AASS: variants seen among roughly 807,000 people sequenced by gnomAD.
AASS encodes alpha-aminoadipic semialdehyde synthase, mitochondrial.
In AASS, 86 loss-of-function variants were observed where a neutral mutation model predicts 105.4. That is an observed-to-expected ratio of 0.82 (90% CI 0.69 to 0.98). AASS has a LOEUF of 0.98. Among genes scored for constraint, AASS ranks in the 50% least tolerant of loss-of-function variants. The probability of loss-of-function intolerance (pLI) is 0.00; values close to 1 mark genes in which losing one functional copy is unlikely to be tolerated. For synonymous variants in AASS, 381 were observed against 394.8 expected, an observed-to-expected ratio of 0.96 and a Z score of 0.41; for missense variants, 1,048 against 1,143.2, an observed-to-expected ratio of 0.92 and a Z score of 1.20.
At position 122,086,190 on chromosome 7, in the gene AASS, T is replaced by C. The variant is rs377587823; in HGVS notation, c.2017-11A>G. 7 of 1,612,880 alleles carry C rather than the reference T, an allele frequency of 4.3e-6. No homozygotes were observed. Among genetic ancestry groups the C allele is most frequent in the South Asian group, 2.2e-5 (2 of 90,938 alleles). On this transcript the variant is annotated splice_polypyrimidine_tract_variant and intron_variant, in intron 18 of 23. Coordinates refer to ENST00000417368, the MANE Select transcript of AASS (RefSeq NM_005763.4). ...TGCAACATTCACAACCTGAGGAACA[T>C]TGAGAAGGCACACATGGGGTTACAG...
At chr7:122,103,811 C>T (rs1239794875) in intron 11 of AASS, among the ~76,000 whole-genome samples, 1 of 151,836 alleles carries the variant, frequency 6.6e-6, no homozygotes, top group Admixed American at 6.6e-5. Context: ...ATACTATACA[C>T]ACACACACAC....
chr7:122,133,937 G>A lies in AASS; in HGVS notation c.-15-196C>T, dbSNP rs10242443. 103,365 of 597,040 alleles carry A rather than the reference G, an allele frequency of 0.17. 9,545 individuals are homozygous for A. Among genetic ancestry groups the A allele is most frequent in the South Asian group, 0.26 (12,916 of 49,680 alleles). The allele number at this position is 597,040 out of a possible 1,614,324, so 37.0% of individuals were successfully genotyped here. On this transcript the variant is annotated intron_variant, in intron 1 of 23. Transcript: ENST00000417368. ...TTTTCAAAAACAAGATTATTTAACT[G>A]CAAAATTTTAAAAAGTATAGAGCAA...
At chr7:122,086,888 C>A (rs1012841791) in intron 18 of AASS, among the ~76,000 whole-genome samples, 1 of 152,136 alleles carries the variant, frequency 6.6e-6, no homozygotes, top group Non-Finnish European at 1.5e-5. Context: ...CTTTCCCATA[C>A]CCCTACCCCC....
At chr7:122,079,828 A>G (rs1487408512) in intron 20 of AASS, 116 bp from the exon 21 acceptor site, 3 of 732,174 alleles carry the variant, frequency 4.1e-6, no homozygotes, top group Admixed American at 4.3e-5. Flanking sequence ...TTTTAAAATT[A>G]AAAATAATTG....
chr7:122,134,713 G>A (rs971897090), intron 1 of AASS, among the ~76,000 whole-genome samples: 1 of 152,138 alleles, frequency 6.6e-6, no homozygotes, highest in Admixed American at 6.6e-5. Flanking sequence ...GGAAGACAAT[G>A]TGGCGATTCC....
chr7:122,116,126 C>T (rs993325538), intron 8 of AASS, among the ~76,000 whole-genome samples: 8 of 152,062 alleles, frequency 5.3e-5, no homozygotes, highest in African/African-American at 1.9e-4. Context: ...TGTGTCGCAT[C>T]GAAGGATTTG....
chr7:122,121,068 T>C (rs1217265213), intron 4 of AASS, among the ~76,000 whole-genome samples: 1 of 152,104 alleles, frequency 6.6e-6, no homozygotes, highest in Non-Finnish European at 1.5e-5. Context: ...TTGTACTTTG[T>C]TTTTTTAATG....
intron 6 of AASS, among the ~76,000 whole-genome samples, chr7:122,118,098 CAT>C (rs574271982): frequency 6.6e-6 from 1 of 152,014 alleles, no homozygotes; most frequent in Non-Finnish European, 1.5e-5. Context: ...TACACACACA[CAT>C]ATATATACAC....
chr7:122,094,178 C>T (rs943854985), intron 15 of AASS, among the ~76,000 whole-genome samples: 1 of 152,142 alleles, frequency 6.6e-6, no homozygotes, highest in Non-Finnish European at 1.5e-5. Context: ...CATTGATACT[C>T]CAGACCTCAG....
At chr7:122,116,800 TA>T in intron 7 of AASS, 40 bp from the exon 8 acceptor site, 7 of 1,613,294 alleles carry the variant, frequency 4.3e-6, no homozygotes, top group Non-Finnish European at 1.7e-6. Flanking sequence ...GGGTGACAAA[TA>T]ATAAAAATTT....
intron 19 of AASS, 120 bp downstream of exon 19, chr7:122,085,891 GA>G: frequency 1.8e-6 from 2 of 1,106,132 alleles, no homozygotes; most frequent in Non-Finnish European, 1.4e-6. Flanking sequence ...TAAGATTCCT[GA>G]AAAAATAGAC....
At position 122,115,118 on chromosome 7, in the gene AASS, C is replaced by G. The variant is rs1302275173; in HGVS notation, c.999G>C (p.Lys333Asn). 4 of 1,614,152 alleles carry G rather than the reference C, an allele frequency of 2.5e-6. No homozygotes were observed. The highest frequency in any genetic ancestry group is 8.5e-7 in the Non-Finnish European group (1 of 1,180,030). ...AGCCTTCCACACCAGCAGGTGAGAA[C>G]TTGCCCGGAGCCAGGAGACTCTGAG... ...QDAQSLLAPG[K>N]FSPAGVEGCP... The change falls in exon 9 of 24, where the codon AAG (lysine) becomes AAC (asparagine). Residue 333 changes from lysine (K) to asparagine (N), a missense_variant. Coordinates refer to ENST00000417368, the MANE Select transcript of AASS (RefSeq NM_005763.4).
At chr7:122,102,594 G>C (rs1252347925) in intron 11 of AASS, among the ~76,000 whole-genome samples, 2 of 151,930 alleles carry the variant, frequency 1.3e-5, no homozygotes, top group South Asian at 4.1e-4. Context: ...TTTATTTACT[G>C]TATTAAAATA....
chr7:122,129,353 C>T lies in AASS; in HGVS notation c.387+8G>A. 1 of 1,572,066 alleles carries T rather than the reference C, an allele frequency of 6.4e-7. No individual in the cohort carries two copies. The highest frequency in any genetic ancestry group is 8.7e-7 in the Non-Finnish European group (1 of 1,153,432). ...CATTAATATTTATAAATATTAATCA[C>T]TAATTACCTGTTTTAGAATCTCATC... On this transcript the variant is annotated splice_region_variant and intron_variant, in intron 3 of 23. Transcript: ENST00000417368.
chr7:122,139,049 C>T (rs1352836279), intron 1 of AASS, among the ~76,000 whole-genome samples: 1 of 152,082 alleles, frequency 6.6e-6, no homozygotes, highest in Non-Finnish European at 1.5e-5. Flanking sequence ...TTAGAAAGGT[C>T]CTTTCAGAGT....
At chr7:122,087,251 C>T (rs771886671) in intron 18 of AASS, among the ~76,000 whole-genome samples, 4 of 152,064 alleles carry the variant, frequency 2.6e-5, no homozygotes, top group Non-Finnish European at 4.4e-5. Flanking sequence ...TCTGAACGTG[C>T]CTTTGTATGA....
intron 11 of AASS, among the ~76,000 whole-genome samples, chr7:122,109,666 C>T (rs1233487290): frequency 1.3e-5 from 2 of 151,604 alleles, no homozygotes; most frequent in Non-Finnish European, 2.9e-5. Context: ...GGATTAAACA[C>T]TTAAATGGAA....
At chr7:122,098,329 C>T in intron 15 of AASS, 121 bp downstream of exon 15, 1 of 1,057,352 alleles carries the variant, frequency 9.5e-7, no homozygotes, top group Middle Eastern at 2.4e-4. Flanking sequence ...CTTCTGGACC[C>T]ATACTTCAAT....
At chr7:122,111,795 C>T (rs796267447) in intron 11 of AASS, among the ~76,000 whole-genome samples, 8 of 152,086 alleles carry the variant, frequency 5.3e-5, no homozygotes, top group Admixed American at 1.3e-4. Flanking sequence ...CCTGGCTACT[C>T]GGGAGGCTGA....
Sources: gnomAD v4.1 joint callset for allele counts (sites outside exome capture counted in the v4.1 genomes callset) on GRCh38, gnomAD v4.1.1 for gene constraint, MANE v1.5 for transcripts, NCBI Gene and HGNC (gene_info 2026-07-23, HGNC 2026-07-21) for gene names.